The following PTPRK variants were observed in gnomAD, a reference collection of about 807,000 sequenced individuals.
PTPRK encodes receptor-type tyrosine-protein phosphatase kappa.
Under a neutral mutation model 178.0 loss-of-function variants are expected in PTPRK, and 75 were observed. That is an observed-to-expected ratio of 0.42 (90% CI 0.35 to 0.51). The LOEUF is 0.51. Ranked by LOEUF, PTPRK falls within the 20% of genes least tolerant of loss-of-function variation. The pLI, the probability that PTPRK is intolerant of heterozygous loss-of-function variation, is 0.02. For synonymous variants in PTPRK, 637 were observed against 620.6 expected (o/e 1.03, Z -0.39); for missense variants, 1,441 against 1,797.8 (o/e 0.80, Z 3.59).
intron 1 of PTPRK, among the ~76,000 whole-genome samples, chr6:128,478,005 G>A (rs182091700): frequency 2.4e-4 from 37 of 152,196 alleles, no homozygotes; most frequent in Admixed American, 5.9e-4. Flanking sequence ...TACAATTTAA[G>A]TATCACCTTA....
intron 1 of PTPRK, among the ~76,000 whole-genome samples, chr6:128,440,632 AAT>A (rs1221279064): frequency 1.3e-5 from 2 of 152,152 alleles, no homozygotes; most frequent in East Asian, 3.8e-4. Flanking sequence ...ATCAAGAAGA[AAT>A]ATATGTCATT....
intron 3 of PTPRK, among the ~76,000 whole-genome samples, chr6:128,260,453 T>C (rs1818012411): frequency 6.6e-6 from 1 of 152,100 alleles, no homozygotes. Context: ...ACCCACAATA[T>C]CTAGCATAGC....
intron 13 of PTPRK, among the ~76,000 whole-genome samples, chr6:128,033,457 C>T (rs899376676): frequency 1.3e-5 from 2 of 152,202 alleles, no homozygotes; most frequent in African/African-American, 2.4e-5. Flanking sequence ...GATTTTAGAA[C>T]AGCATATGTC....
chr6:128,334,652 A>G (rs1405455175), intron 2 of PTPRK, among the ~76,000 whole-genome samples: 2 of 152,182 alleles, frequency 1.3e-5, no homozygotes, highest in East Asian at 1.9e-4. Context: ...GGGCAGTTCA[A>G]TTGGCCACCA....
intron 7 of PTPRK, among the ~76,000 whole-genome samples, chr6:128,134,269 T>C (rs1226881814): frequency 6.6e-6 from 1 of 152,170 alleles, no homozygotes; most frequent in Non-Finnish European, 1.5e-5. Flanking sequence ...GTCTTATCTC[T>C]TGTCTCAGAG....
In PTPRK at chr6:128,279,678, T is replaced by G. The variant is rs922017222; in HGVS notation, c.496-37076A>C. On this transcript the variant is annotated intron_variant, in intron 3 of 29. Coordinates refer to ENST00000368226, the MANE Select transcript of PTPRK (RefSeq NM_002844.4). ...TCAGAAAGTTAGGCTTAATGGGGAA[T>G]GCAAATAATGTATCCCCAAAGTGAA... Among the ~76,000 whole-genome samples the G allele has an allele frequency of 3.9e-5, 6 of 152,194 alleles. No individual in the cohort carries two copies. The East Asian group carries it at 1.2e-3, about 29-fold the overall frequency.
chr6:128,337,943 A>G (rs1294925588), intron 2 of PTPRK, among the ~76,000 whole-genome samples: 1 of 152,190 alleles, frequency 6.6e-6, no homozygotes, highest in East Asian at 1.9e-4. Context: ...CAATGAATAA[A>G]AGAGACTGAA....
intron 1 of PTPRK, among the ~76,000 whole-genome samples, chr6:128,471,360 T>C (rs1850624800): frequency 6.6e-6 from 1 of 151,192 alleles, no homozygotes; most frequent in East Asian, 1.9e-4. Context: ...AGGCAGGAAA[T>C]GAATGGGGGG....
chr6:128,343,868 T>C (rs1349618096), intron 2 of PTPRK, among the ~76,000 whole-genome samples: 1 of 152,192 alleles, frequency 6.6e-6, no homozygotes. Context: ...AAGAAACATC[T>C]GCAATTTTGT....
At chr6:128,004,587 C>A (rs988340724) in intron 15 of PTPRK, among the ~76,000 whole-genome samples, 2 of 151,620 alleles carry the variant, frequency 1.3e-5, no homozygotes, top group African/African-American at 2.4e-5. Context: ...CTAATGTTTC[C>A]CTGAGTTAAC....
chr6:128,156,416 C>A (rs184610207), intron 7 of PTPRK, among the ~76,000 whole-genome samples: 1 of 151,924 alleles, frequency 6.6e-6, no homozygotes, highest in Admixed American at 6.6e-5. Context: ...GCTTGGAGGC[C>A]TCAGGAAACT....
chr6:128,449,040 C>T (rs755595394), intron 1 of PTPRK, among the ~76,000 whole-genome samples: 4 of 151,548 alleles, frequency 2.6e-5, no homozygotes, highest in Non-Finnish European at 5.9e-5. Context: ...TTTTTTTCCC[C>T]CAGTAGAGAC....
intron 11 of PTPRK, among the ~76,000 whole-genome samples, chr6:128,071,521 C>T (rs1363303528): frequency 6.6e-6 from 1 of 152,038 alleles, no homozygotes; most frequent in African/African-American, 2.4e-5. Context: ...CTGCAGCATG[C>T]TACCTTTTCA....
intron 1 of PTPRK, among the ~76,000 whole-genome samples, chr6:128,414,991 T>C (rs1163982321): frequency 6.6e-6 from 1 of 152,190 alleles, no homozygotes; most frequent in Non-Finnish European, 1.5e-5. Flanking sequence ...TTGGCCAAGG[T>C]CAGACAGCTA....
chr6:128,242,232 A>T (rs1814599431), intron 4 of PTPRK, among the ~76,000 whole-genome samples: 3 of 152,274 alleles, frequency 2.0e-5, no homozygotes, highest in Admixed American at 2.0e-4. Context: ...ATGCCAAAAA[A>T]ATGAACAAGT....
rs1408296005 is a variant in PTPRK at position 128,025,574 on chromosome 6, C to T, written c.2195-16306G>A. On this transcript the variant is annotated intron_variant, in intron 13 of 29. Transcript: ENST00000368226. ...TCAAGGCCACTGCAGAAAACTGCCA[C>T]ACACTTGATGGCTAAAAACCACACA... Among the ~76,000 whole-genome samples, 4 of 152,190 alleles carry T rather than the reference C, an allele frequency of 2.6e-5. No individual in the cohort carries two copies. In the East Asian group the frequency reaches 7.7e-4, roughly 29 times the overall value.
chr6:128,399,077 C>T (rs929197211), intron 1 of PTPRK, among the ~76,000 whole-genome samples: 1 of 152,126 alleles, frequency 6.6e-6, no homozygotes, highest in African/African-American at 2.4e-5. Flanking sequence ...AACCTGTCTC[C>T]TTTCAAATAG....
intron 7 of PTPRK, among the ~76,000 whole-genome samples, chr6:128,142,881 A>C (rs1461754622): frequency 6.6e-6 from 1 of 152,102 alleles, no homozygotes; most frequent in Admixed American, 6.6e-5. Flanking sequence ...CTATATTTTA[A>C]ACCAAAACCA....
At chr6:128,298,225 T>C (rs540122773) in intron 3 of PTPRK, among the ~76,000 whole-genome samples, 2 of 151,988 alleles carry the variant, frequency 1.3e-5, no homozygotes, top group Non-Finnish European at 2.9e-5. Context: ...TCTGAAATTG[T>C]GGCAATAATC....
Sources: allele counts gnomAD v4.1 joint callset (sites outside exome capture counted in the v4.1 genomes callset), GRCh38; gene constraint gnomAD v4.1.1; transcripts MANE v1.5; gene names NCBI Gene and HGNC (gene_info 2026-07-23, HGNC 2026-07-21).